Variants in CELF2 observed in about 807,000 individuals in gnomAD.
The protein encoded by CELF2 is CUGBP Elav-like family member 2, also known as CUG triplet repeat RNA-binding protein 2.
Under a neutral mutation model 62.6 loss-of-function variants are expected in CELF2, and 8 were observed. The ratio of observed to expected loss-of-function variants is 0.13; its 90% CI spans 0.07 to 0.23. The LOEUF (loss-of-function observed/expected upper bound fraction) is 0.23. Among genes scored for constraint, CELF2 ranks in the 10% least tolerant of loss-of-function variants. The pLI is 1.00. For synonymous variants in CELF2, 258 were observed against 250.0 expected, an observed-to-expected ratio of 1.03 and a Z score of -0.30; for missense variants, 333 against 671.0, an observed-to-expected ratio of 0.50 and a Z score of 5.56.
At chr10:10,531,323 T>C in the CELF2 span, among the ~76,000 whole-genome samples, 1 of 152,202 alleles carries the variant, frequency 6.6e-6, no homozygotes, top group East Asian at 1.9e-4. Flanking sequence ...TTGAGAAATC[T>C]GTATTGTAAC....
At chr10:11,104,355 A>C (rs901527147) in intron 1 of CELF2, among the ~76,000 whole-genome samples, 9 of 152,202 alleles carry the variant, frequency 5.9e-5, no homozygotes, top group Non-Finnish European at 1.3e-4. Context: ...GATGAAATTG[A>C]CCTTATGAAC....
At chr10:11,052,275 G>T (rs1176472198) in intron 1 of CELF2, among the ~76,000 whole-genome samples, 1 of 152,156 alleles carries the variant, frequency 6.6e-6, no homozygotes, top group African/African-American at 2.4e-5. Flanking sequence ...TGTGTCTGTA[G>T]AACATTTAGG....
chr10:10,497,662 A>C, the CELF2 span, among the ~76,000 whole-genome samples: 2 of 152,196 alleles, frequency 1.3e-5, no homozygotes, highest in Non-Finnish European at 2.9e-5. Context: ...TGTTTCAGCC[A>C]GCGGGAAGCA....
At chr10:11,052,724 A>G (rs2064204128) in intron 1 of CELF2, among the ~76,000 whole-genome samples, 2 of 152,118 alleles carry the variant, frequency 1.3e-5, no homozygotes. Flanking sequence ...TTTTTTGTTC[A>G]TTATCTTGTT....
At chr10:10,911,501 G>A (rs1012774989) in intron 1 of CELF2, among the ~76,000 whole-genome samples, 2 of 152,198 alleles carry the variant, frequency 1.3e-5, no homozygotes, top group African/African-American at 2.4e-5. Flanking sequence ...TGCCTCTGAC[G>A]GCTCCGACTG....
chr10:10,778,974 T>G, the CELF2 span, among the ~76,000 whole-genome samples: 6 of 152,228 alleles, frequency 3.9e-5, no homozygotes, highest in South Asian at 1.2e-3. Flanking sequence ...ACTAATGAAT[T>G]TATACACTAT....
intron 1 of CELF2, among the ~76,000 whole-genome samples, chr10:10,896,772 A>G (rs1232150172): frequency 6.6e-6 from 1 of 152,144 alleles, no homozygotes. Context: ...TAGCTTCTAG[A>G]ATTGTGCAGA....
intron 3 of CELF2, among the ~76,000 whole-genome samples, chr10:11,239,308 C>A (rs1416070752): frequency 6.6e-6 from 1 of 152,032 alleles, no homozygotes; most frequent in Non-Finnish European, 1.5e-5. Context: ...TGATTTGGAG[C>A]CTGATAAGCC....
intron 1 of CELF2, among the ~76,000 whole-genome samples, chr10:10,907,379 T>C (rs2063435369): frequency 2.0e-5 from 3 of 152,238 alleles, no homozygotes; most frequent in African/African-American, 7.2e-5. Context: ...TAAGGATGTA[T>C]AATTATATTC....
At chr10:10,680,404 G>C in the CELF2 span, among the ~76,000 whole-genome samples, 385 of 152,220 alleles carry the variant, frequency 2.5e-3, 5 homozygotes, top group South Asian at 8.7e-3. Flanking sequence ...CAAGGGGAGG[G>C]GCACATGGGG....
intron 2 of CELF2, among the ~76,000 whole-genome samples, chr10:10,924,724 C>CTTTTTTT (rs745848953): frequency 0.17 from 15,291 of 88,630 alleles, 3,136 homozygotes; most frequent in Non-Finnish European, 0.22. Context: ...AACTTGATCG[C>CTTTTTTT]TTTTTTTTTT....
chr10:10,944,636 C>A (rs1209864552), intron 2 of CELF2, among the ~76,000 whole-genome samples: 1 of 151,850 alleles, frequency 6.6e-6, no homozygotes, highest in Non-Finnish European at 1.5e-5. Flanking sequence ...GAGTCTCACT[C>A]TGTCACCCAG....
At chr10:10,568,104 G>T in the CELF2 span, among the ~76,000 whole-genome samples, 1 of 152,132 alleles carries the variant, frequency 6.6e-6, no homozygotes. Flanking sequence ...GGAAGTAAAA[G>T]GAGGCAAGGC....
chr10:10,535,863 T>C, the CELF2 span, among the ~76,000 whole-genome samples: 1 of 152,220 alleles, frequency 6.6e-6, no homozygotes, highest in African/African-American at 2.4e-5. Context: ...TATCAAGGTG[T>C]TACATAATGA....
At chr10:10,878,083 G>A (rs2061221715) in intron 1 of CELF2, among the ~76,000 whole-genome samples, 1 of 152,176 alleles carries the variant, frequency 6.6e-6, no homozygotes, top group Non-Finnish European at 1.5e-5. Flanking sequence ...CAATCAAAAA[G>A]CTTGGGATTG....
At chr10:10,866,983 T>C (rs770974823) in intron 1 of CELF2, among the ~76,000 whole-genome samples, 1 of 151,838 alleles carries the variant, frequency 6.6e-6, no homozygotes, top group African/African-American at 2.4e-5. Context: ...GATGCAATTA[T>C]GCAGAATAAG....
upstream of CELF2, among the ~76,000 whole-genome samples, chr10:11,000,953 A>G (rs1032343333): frequency 1.3e-5 from 2 of 152,176 alleles, no homozygotes; most frequent in Non-Finnish European, 2.9e-5. Context: ...GCACCCATAG[A>G]GAAAGACCCT....
At chr10:10,740,286 A>G in the CELF2 span, among the ~76,000 whole-genome samples, 2 of 151,320 alleles carry the variant, frequency 1.3e-5, no homozygotes, top group Admixed American at 6.6e-5. Flanking sequence ...TTTATTTTCA[A>G]ATGATTTTTG....
chr10:10,626,354 C>G, the CELF2 span, among the ~76,000 whole-genome samples: 1 of 152,092 alleles, frequency 6.6e-6, no homozygotes, highest in Admixed American at 6.5e-5. Flanking sequence ...TGTGTTAGTG[C>G]TAGGTATGGA....
Sources: gnomAD v4.1 joint callset for allele counts (sites outside exome capture counted in the v4.1 genomes callset) on GRCh38, gnomAD v4.1.1 for gene constraint, MANE v1.5 for transcripts, NCBI Gene and HGNC (gene_info 2026-07-23, HGNC 2026-07-21) for gene names.